TNC: variants seen among roughly 807,000 people sequenced by gnomAD.
TNC encodes the protein tenascin.
In TNC, 109 loss-of-function variants were observed where a neutral mutation model predicts 202.4. The ratio of observed to expected loss-of-function variants is 0.54; its 90% CI spans 0.46 to 0.63. The LOEUF is 0.63. Among genes scored for constraint, TNC ranks in the 30% least tolerant of loss-of-function variants. The pLI is 0.00. For synonymous variants in TNC, 1,007 were observed against 1,089.7 expected (o/e 0.92, Z 1.50); for missense variants, 2,756 against 2,833.3 (o/e 0.97, Z 0.62).
chr9:115,047,090 A>G (rs1831256064), intron 16 of TNC, among the ~76,000 whole-genome samples: 1 of 152,170 alleles, frequency 6.6e-6, no homozygotes, highest in Non-Finnish European at 1.5e-5. Context: ...TGAAAAGACA[A>G]ATAAACCAGC....
rs781750114 is a variant in TNC at position 115,064,788 on chromosome 9, C to A, written c.3346G>T (p.Ala1116Ser). The change falls in exon 11 of 28, where the codon GCA becomes TCA. Residue 1116 changes from alanine (A) to serine (S), a missense_variant. Ala to Ser is a moderately conservative substitution (Grantham distance 99, BLOSUM62 1). Around this residue, in one of 2 missense-constraint regions of TNC, gnomAD observed 2,559 missense variants for 2,546.0 expected, o/e 1.01. Coordinates refer to ENST00000350763, the MANE Select transcript of TNC (RefSeq NM_002160.4). The stretch of plus-strand genomic sequence containing the variant: ...CCAGGCACGGTGAGGTTCCGAGCTG[C>A]CTCCACCTTGTTGGCCTCCTGCACC... ...IQVQEANKVE[A>S]ARNLTVPGSL... The A allele has an allele frequency of 2.5e-6, 4 of 1,614,160 alleles. No individual in the cohort carries two copies. The highest frequency in any genetic ancestry group is 3.4e-6 in the Non-Finnish European group (4 of 1,180,036).
In TNC at chr9:115,057,137, G is replaced by C. The variant is rs779544852; in HGVS notation, c.4579+16C>G. ...TGTGGAGAGAGTGCGTTAGAAATGG[G>C]AGAATGCACATGTACCTGTCGTGGC... On this transcript the variant is annotated intron_variant, in intron 15 of 27. Transcript: ENST00000350763. 6.3e-7 allele frequency: 1 copy of C among 1,599,330 alleles called. No individual in the cohort carries two copies. Among genetic ancestry groups the C allele is most frequent in the East Asian group, 2.2e-5 (1 of 44,738 alleles).
chr9:115,046,440 A>G lies in TNC; in HGVS notation c.5095T>C (p.Ser1699Pro). ...GTTGCTATAGCACTGACTGTCTGGG[A>G]TCGCCTTCCTTTGCTTATTCCATAG... The part of the protein sequence containing the change: ...ELYGISKGRR[S>P]QTVSAIATTA... Residue 1699 changes from serine (S) to proline (P), a missense_variant, in exon 17 of 28, where the codon TCC becomes CCC. This residue lies in a region of TNC where 2,559 missense variants were observed against 2,546.0 expected (regional missense o/e 1.01). Transcript: ENST00000350763. 1.2e-6 allele frequency: 2 copies of G among 1,614,102 alleles called. No individual in the cohort carries two copies. Among genetic ancestry groups the G allele is most frequent in the Non-Finnish European group, 1.7e-6 (2 of 1,179,978 alleles).
chr9:115,055,849 C>A, intron 15 of TNC: 1 of 152,272 alleles, frequency 6.6e-6, no homozygotes, highest in East Asian at 1.9e-4. Flanking sequence ...AAGTTTTAGA[C>A]TTTACCCTTT....
intron 10 of TNC, among the ~76,000 whole-genome samples, chr9:115,071,437 C>G (rs1419766479): frequency 6.6e-6 from 1 of 152,192 alleles, no homozygotes; most frequent in Non-Finnish European, 1.5e-5. Flanking sequence ...ATATGGGGCT[C>G]TCATTCAGAA....
At position 115,086,366 on chromosome 9, in the gene TNC, T is replaced by A. The variant is rs1834731287; in HGVS notation, c.1365A>T (p.Val455=). 6.2e-7 allele frequency: 1 copy of A among 1,613,754 alleles called. No individual in the cohort carries two copies. Among genetic ancestry groups the A allele is most frequent in the Non-Finnish European group, 8.5e-7 (1 of 1,179,950 alleles). The stretch of plus-strand genomic sequence containing the variant: ...CATAGCCCTTGAAGCCTTGCTCACA[T>A]ACACATTTGCCCTCGACACAGCGGC... The part of the protein sequence containing the change: ...SRGRCVEGKC[V]CEQGFKGYDC... The change falls in exon 3 of 28, where the codon GTA becomes GTT. Residue 455 remains valine, a synonymous_variant. Coordinates refer to ENST00000350763, the MANE Select transcript of TNC (RefSeq NM_002160.4).
chr9:115,034,099 C>T (rs1830140509), intron 22 of TNC, among the ~76,000 whole-genome samples: 1 of 152,212 alleles, frequency 6.6e-6, no homozygotes, highest in African/African-American at 2.4e-5. Flanking sequence ...TGCCCTTTCC[C>T]ATTCAGATGG....
chr9:115,020,933 A>G lies in TNC; in HGVS notation c.*224T>C, dbSNP rs1208063381. 1 of 514,264 alleles carries G rather than the reference A, an allele frequency of 1.9e-6. No individual in the cohort carries two copies. The allele number at this position is 514,264 out of a possible 1,614,324, so 31.9% of individuals were successfully genotyped here. ...GAGATTTTTGCTGAATCAAACAACA[A>G]AACAGAAACATGTTGGAGACTGATG... On this transcript the variant is annotated 3_prime_UTR_variant, in exon 28 of 28. Coordinates refer to ENST00000350763, the MANE Select transcript of TNC (RefSeq NM_002160.4).
chr9:115,072,452 T>C (rs1833534893), intron 10 of TNC, among the ~76,000 whole-genome samples: 1 of 152,246 alleles, frequency 6.6e-6, no homozygotes, highest in African/African-American at 2.4e-5. Context: ...AGTAAGTGAC[T>C]GTGATTTGAG....
intron 1 of TNC, among the ~76,000 whole-genome samples, chr9:115,100,421 T>C (rs1836139205): frequency 6.6e-6 from 1 of 152,226 alleles, no homozygotes; most frequent in East Asian, 1.9e-4. Context: ...TTAAGTAGTA[T>C]ATAAATAGAG....
rs1349039526 is a variant in TNC at position 115,092,962 on chromosome 9, AAGTT to A, written c.-136-1812_-136-1809del. ...TGATATTCTTATACTCGCACACTGT[AAGTT>A]AGTTATTTATGTCAATTAGTGGTGG... On this transcript the variant is annotated intron_variant, in intron 1 of 27. Coordinates refer to ENST00000350763, the MANE Select transcript of TNC (RefSeq NM_002160.4). 3.3e-5 allele frequency among the ~76,000 whole-genome samples: 5 copies of A among 152,250 alleles called. No individual in the cohort carries two copies. In the South Asian group the frequency reaches 8.3e-4, roughly 25 times the overall value.
chr9:115,033,722 T>C (rs548912351), intron 22 of TNC, among the ~76,000 whole-genome samples: 1 of 152,286 alleles, frequency 6.6e-6, no homozygotes, highest in South Asian at 2.1e-4. Context: ...TACTTGCTTC[T>C]AAAACCCACT....
Position 115,063,161 on chromosome 9 carries a change from T to G in TNC, c.3789A>C (p.Thr1263=), listed in dbSNP as rs1389464279. 2 of 1,614,172 alleles carry G rather than the reference T, an allele frequency of 1.2e-6. No homozygotes were observed. Among genetic ancestry groups the G allele is most frequent in the Non-Finnish European group, 1.7e-6 (2 of 1,180,010 alleles). ...GAGCATCCCAGCTAACCTCGGTCAC[T>G]GTGAGGTTTCCCATATCTGGAACCT... ...TEEVPDMGNL[T]VTEVSWDALR... Residue 1263 remains threonine, a synonymous_variant, in exon 13 of 28, where the codon ACA becomes ACC. Coordinates refer to ENST00000350763, the MANE Select transcript of TNC (RefSeq NM_002160.4).
At position 115,063,903 on chromosome 9, in the gene TNC, C is replaced by T. The variant is rs776196390; in HGVS notation, c.3653G>A (p.Arg1218Lys). Residue 1218 changes from arginine (R) to lysine (K), a missense_variant, in exon 12 of 28, where the codon AGG (arginine) becomes AAG (lysine). Physicochemically the swap from Arg to Lys is conservative, Grantham distance 26. Coordinates refer to ENST00000350763, the MANE Select transcript of TNC (RefSeq NM_002160.4). ...AQNLTVPGGL[R>K]STDLPGLKAA... Reference sequence around the variant, plus strand: ...TTTGAGCCCAGGCAGGTCTGTGGACCTCAGTCCTCCTGGGACGGTGAGGTT... The same window carrying T: ...TTTGAGCCCAGGCAGGTCTGTGGACTTCAGTCCTCCTGGGACGGTGAGGTT... 9 of 1,614,050 alleles carry T rather than the reference C, an allele frequency of 5.6e-6. No homozygotes were observed. In the East Asian group the frequency reaches 2.0e-4, roughly 36 times the overall value.
chr9:115,037,811 G>A (rs1830446195), intron 20 of TNC, among the ~76,000 whole-genome samples: 1 of 152,208 alleles, frequency 6.6e-6, no homozygotes, highest in Non-Finnish European at 1.5e-5. Flanking sequence ...ACAGATGTAA[G>A]CCACTGTACC....
intron 10 of TNC, among the ~76,000 whole-genome samples, chr9:115,069,213 T>C (rs1406816691): frequency 6.6e-6 from 1 of 152,188 alleles, no homozygotes; most frequent in African/African-American, 2.4e-5. Context: ...CCTTTCTTCT[T>C]CCAAAATTCC....
At chr9:115,033,611 A>G (rs1830104147) in intron 22 of TNC, among the ~76,000 whole-genome samples, 1 of 152,226 alleles carries the variant, frequency 6.6e-6, no homozygotes, top group East Asian at 1.9e-4. Context: ...ACACAGTGAG[A>G]TAGTTCATTG....
At chr9:115,106,663 A>C (rs1836639920) in intron 1 of TNC, among the ~76,000 whole-genome samples, 1 of 152,188 alleles carries the variant, frequency 6.6e-6, no homozygotes, top group Non-Finnish European at 1.5e-5. Flanking sequence ...AGTGAGAGGA[A>C]GATACAGTGA....
intron 27 of TNC, among the ~76,000 whole-genome samples, chr9:115,021,547 C>T (rs996835888): frequency 2.0e-5 from 3 of 152,142 alleles, no homozygotes; most frequent in African/African-American, 7.2e-5. Flanking sequence ...CCTCTTGAGG[C>T]AAAATGGTGG....
Sources: allele counts gnomAD v4.1 joint callset (sites outside exome capture counted in the v4.1 genomes callset), GRCh38; gene constraint gnomAD v4.1.1; regional missense constraint gnomAD v4.1.1; transcripts MANE v1.5; gene names NCBI Gene and HGNC (gene_info 2026-07-23, HGNC 2026-07-21).